Variants in CFAP20DC observed in about 807,000 individuals in gnomAD.
CFAP20DC encodes CFAP20 domain containing, also known as protein CFAP20DC.
A neutral mutation model predicts 101.7 loss-of-function variants in CFAP20DC; 84 were observed. The ratio of observed to expected loss-of-function variants is 0.83; its 90% CI spans 0.69 to 0.99. CFAP20DC has a LOEUF of 0.99. Among genes scored for constraint, CFAP20DC ranks in the 50% least tolerant of loss-of-function variants. The pLI, the probability that CFAP20DC is intolerant of heterozygous loss-of-function variation, is 0.00. For synonymous variants in CFAP20DC, 359 were observed against 351.2 expected, an observed-to-expected ratio of 1.02 and a Z score of -0.25; for missense variants, 1,007 against 970.3, an observed-to-expected ratio of 1.04 and a Z score of -0.50.
At chr3:58,828,028 G>A (rs939332301) in intron 14 of CFAP20DC, among the ~76,000 whole-genome samples, 2 of 152,210 alleles carry the variant, frequency 1.3e-5, no homozygotes, top group East Asian at 1.9e-4. Context: ...TCAGGTCCAC[G>A]GTACAGGGAT....
intron 4 of CFAP20DC, among the ~76,000 whole-genome samples, chr3:58,961,337 T>C (rs576894613): frequency 6.6e-6 from 1 of 152,146 alleles, no homozygotes; most frequent in Non-Finnish European, 1.5e-5. Context: ...GTGGATTACC[T>C]GAGGTCAGGA....
chr3:58,825,462 T>C (rs1049670945), intron 14 of CFAP20DC, among the ~76,000 whole-genome samples: 1 of 152,082 alleles, frequency 6.6e-6, no homozygotes, highest in African/African-American at 2.4e-5. Context: ...GGTTGACTGA[T>C]CTAGAGTTTA....
chr3:58,743,262 G>T (rs1457998046), intron 16 of CFAP20DC, among the ~76,000 whole-genome samples: 1 of 148,996 alleles, frequency 6.7e-6, no homozygotes, highest in Non-Finnish European at 1.5e-5. Flanking sequence ...CCAACAAATG[G>T]CATGAAATGA....
At chr3:58,754,595 T>C (rs897598376) in intron 15 of CFAP20DC, among the ~76,000 whole-genome samples, 1 of 152,214 alleles carries the variant, frequency 6.6e-6, no homozygotes, top group Non-Finnish European at 1.5e-5. Flanking sequence ...GATTTTCCAA[T>C]GTGAATTCTA....
intron 7 of CFAP20DC, among the ~76,000 whole-genome samples, chr3:58,881,578 A>G (rs1327355984): frequency 1.3e-5 from 2 of 152,170 alleles, no homozygotes; most frequent in African/African-American, 4.8e-5. Flanking sequence ...GCACTCCAAA[A>G]TAGTTACAAG....
At chr3:59,046,709 G>A (rs1699892020) in intron 2 of CFAP20DC, among the ~76,000 whole-genome samples, 1 of 152,150 alleles carries the variant, frequency 6.6e-6, no homozygotes, top group South Asian at 2.1e-4. Context: ...AGAGAGTGGA[G>A]TAATTGAGCA....
chr3:58,737,266 T>C (rs1325591937), downstream of CFAP20DC: 1 of 455,892 alleles, frequency 2.2e-6, no homozygotes, highest in East Asian at 7.0e-5. This position sits in a 1 kb window ranked among gnomAD's most constrained non-coding sequence, Gnocchi z 4.1. Flanking sequence ...ACACACAAAA[T>C]TCCACTAACC....
intron 15 of CFAP20DC, among the ~76,000 whole-genome samples, chr3:58,803,286 A>G (rs1256486049): frequency 6.6e-6 from 1 of 152,292 alleles, no homozygotes; most frequent in Admixed American, 6.5e-5. Flanking sequence ...GGAAACCAAG[A>G]GCCTACCTGC....
chr3:58,740,487 T>C (rs140249233), downstream of CFAP20DC, among the ~76,000 whole-genome samples: 391 of 152,268 alleles, frequency 2.6e-3, no homozygotes, highest in African/African-American at 8.2e-3. The surrounding 1 kb of genome is among the most constrained non-coding windows in gnomAD (Gnocchi z 4.6). Context: ...CTGGGGCTGC[T>C]CTGATGTCTG....
At chr3:58,950,755 T>A (rs1313885979) in intron 4 of CFAP20DC, among the ~76,000 whole-genome samples, 1 of 152,122 alleles carries the variant, frequency 6.6e-6, no homozygotes, top group Non-Finnish European at 1.5e-5. Context: ...CATACAAAAA[T>A]TAATTCAAGA....
intron 4 of CFAP20DC, among the ~76,000 whole-genome samples, chr3:58,985,002 G>C (rs1022761894): frequency 2.0e-5 from 3 of 152,184 alleles, no homozygotes; most frequent in Admixed American, 2.0e-4. Context: ...CTGGGCTCAA[G>C]TGATCCTCCT....
chr3:58,860,491 G>A (rs1178018927), intron 12 of CFAP20DC, among the ~76,000 whole-genome samples: 4 of 152,132 alleles, frequency 2.6e-5, no homozygotes, highest in Non-Finnish European at 5.9e-5. Flanking sequence ...CATAATTCAT[G>A]TCCAAATATG....
chr3:58,951,271 G>A (rs1198966869), intron 4 of CFAP20DC, among the ~76,000 whole-genome samples: 4 of 152,200 alleles, frequency 2.6e-5, no homozygotes, highest in Non-Finnish European at 2.9e-5. Context: ...GTGCTGGAGA[G>A]GATGTGGAGA....
At chr3:58,995,581 C>T (rs2093092978) in intron 4 of CFAP20DC, among the ~76,000 whole-genome samples, 1 of 151,862 alleles carries the variant, frequency 6.6e-6, no homozygotes, top group African/African-American at 2.4e-5. Flanking sequence ...ACTGAATGGG[C>T]TCTTGGGTCC....
In CFAP20DC at chr3:58,868,049, A is replaced by G; in HGVS notation, c.1016-113T>C. 3.3e-6 allele frequency: 4 copies of G among 1,228,508 alleles called. No individual in the cohort carries two copies. Among genetic ancestry groups the G allele is most frequent in the Non-Finnish European group, 4.4e-6 (4 of 913,794 alleles). 76.1% of individuals were successfully genotyped at this position (1,228,508 alleles called of 1,614,324 possible). On this transcript the variant is annotated intron_variant, in intron 9 of 16. Coordinates refer to ENST00000482387, the MANE Select transcript of CFAP20DC (RefSeq NM_001394063.1). The surrounding 1 kb of genome is among the most constrained non-coding windows in gnomAD (Gnocchi z 4.6). ...GAGAATATTCATGTATAATTTTGAC[A>G]TAATGTGAAGATACATCAAAAATAC...
rs73837975 is a variant in CFAP20DC, at chr3:58,841,866, T to C, written c.1971+7166A>G. On this transcript the variant is annotated intron_variant, in intron 13 of 16. Transcript: ENST00000482387. Reference sequence around the variant, plus strand: ...TTCTGGAGCTATAAAGTCTGTTATATAAGTCTTTTGTTTGTTTGTTTAAAG... The same window carrying C: ...TTCTGGAGCTATAAAGTCTGTTATACAAGTCTTTTGTTTGTTTGTTTAAAG... Among the ~76,000 whole-genome samples, 687 of 152,346 alleles carry C rather than the reference T, an allele frequency of 4.5e-3. 5 individuals carry two copies. The highest frequency in any genetic ancestry group is 0.016 in the African/African-American group (649 of 41,580).
At chr3:58,837,544 T>C (rs1461392425) in intron 13 of CFAP20DC, among the ~76,000 whole-genome samples, 1 of 152,180 alleles carries the variant, frequency 6.6e-6, no homozygotes, top group Non-Finnish European at 1.5e-5. Context: ...CATGGGTGTG[T>C]TCAGTTTGTG....
chr3:58,794,168 T>C (rs140455228), intron 15 of CFAP20DC: 2 of 314,820 alleles, frequency 6.4e-6, no homozygotes, highest in Non-Finnish European at 1.3e-5. Context: ...CAAAAGCAAA[T>C]AAGTTGTTTA....
rs1228457023 is a variant in CFAP20DC, at chr3:58,742,426, T to G, written c.*34A>C. The G allele has an allele frequency of 6.4e-7, 1 of 1,569,144 alleles. No homozygotes were observed. ...CCCTGAACTGCTATTCTGCTCCAGC[T>G]GGGAGTGCCTGCTCTCTGCCCCGGA... On this transcript the variant is annotated 3_prime_UTR_variant, in exon 17 of 17. Coordinates refer to ENST00000482387, the MANE Select transcript of CFAP20DC (RefSeq NM_001394063.1).
Sources: allele counts gnomAD v4.1 joint callset (sites outside exome capture counted in the v4.1 genomes callset), GRCh38; gene constraint gnomAD v4.1.1; non-coding constraint Gnocchi (gnomAD v3.1); transcripts MANE v1.5; gene names NCBI Gene and HGNC (gene_info 2026-07-23, HGNC 2026-07-21).